Variants in TINAG observed in about 807,000 individuals in gnomAD.
TINAG encodes tubulointerstitial nephritis antigen.
A neutral mutation model predicts 72.7 loss-of-function variants in TINAG; 83 were observed. That is an observed-to-expected ratio of 1.14 (90% confidence interval 0.96 to 1.37). The LOEUF (loss-of-function observed/expected upper bound fraction) is 1.37. Ranked by LOEUF, TINAG falls within the 40% of genes most tolerant of loss-of-function variation. TINAG has a pLI of 0.00. For synonymous variants in TINAG, 234 were observed against 189.9 expected (o/e 1.23, Z -1.91); for missense variants, 685 against 576.6 (o/e 1.19, Z -1.93).
At chr6:54,379,135 A>G (rs1435045345) in intron 9 of TINAG, among the ~76,000 whole-genome samples, 1 of 152,196 alleles carries the variant, frequency 6.6e-6, no homozygotes, top group African/African-American at 2.4e-5. Flanking sequence ...GGAAGTTTGA[A>G]TATTAGGTTT....
At chr6:54,313,560 T>C (rs1293947592) in intron 1 of TINAG, among the ~76,000 whole-genome samples, 1 of 152,178 alleles carries the variant, frequency 6.6e-6, no homozygotes, top group Non-Finnish European at 1.5e-5. Flanking sequence ...ATTATTTAAT[T>C]CTATGTTGTT....
chr6:54,311,196 T>C (rs1488118424), intron 1 of TINAG, among the ~76,000 whole-genome samples: 1 of 152,158 alleles, frequency 6.6e-6, no homozygotes, highest in Non-Finnish European at 1.5e-5. Flanking sequence ...AGCAACATGT[T>C]TTAAGACTCT....
At chr6:54,327,276 A>G in intron 4 of TINAG, 4 of 1,267,634 alleles carry the variant, frequency 3.2e-6, no homozygotes, top group Admixed American at 2.7e-5. Flanking sequence ...GGGACTGGTT[A>G]GACAGTGGGT....
intron 10 of TINAG, among the ~76,000 whole-genome samples, chr6:54,386,695 C>T (rs565727038): frequency 5.9e-5 from 9 of 151,726 alleles, no homozygotes; most frequent in African/African-American, 1.9e-4. Context: ...TTTGCCAATA[C>T]ATAGGTCACA....
intron 4 of TINAG, 27 bp from the exon 5 acceptor site, chr6:54,343,199 A>G (rs372042414): frequency 4.1e-6 from 6 of 1,481,080 alleles, no homozygotes; most frequent in Non-Finnish European, 5.4e-6. Context: ...AGAAAATCTC[A>G]TATATGTACC....
At position 54,390,093 on chromosome 6, in the gene TINAG, T is replaced by G. The variant is rs1764206861; in HGVS notation, c.*168T>G. The G allele has an allele frequency of 1.2e-6, 1 of 847,568 alleles. No homozygotes were observed. Among genetic ancestry groups the G allele is most frequent in the Non-Finnish European group, 1.7e-6 (1 of 577,184 alleles). The allele number at this position is 847,568 out of a possible 1,614,324, so 52.5% of individuals were successfully genotyped here. A position where few individuals can be genotyped will look rare whatever the true frequency, so the allele number is the denominator to read the frequency against. ...GGTCTATGCTTCTGCTTCCTTCATA[T>G]TACTGAGCATTAACAACACCAATAA... is the stretch of plus-strand genomic sequence containing the variant. On this transcript the variant is annotated 3_prime_UTR_variant, in exon 11 of 11. Transcript: ENST00000259782.
At chr6:54,385,005 A>T (rs537525244) in intron 10 of TINAG, among the ~76,000 whole-genome samples, 1 of 152,294 alleles carries the variant, frequency 6.6e-6, no homozygotes, top group East Asian at 1.9e-4. Flanking sequence ...AACTTTTGTT[A>T]TTTAGCTAAA....
chr6:54,378,503 C>A (rs1448053321), intron 9 of TINAG, among the ~76,000 whole-genome samples: 1 of 152,094 alleles, frequency 6.6e-6, no homozygotes, highest in African/African-American at 2.4e-5. Flanking sequence ...AAGAATTATT[C>A]TTGTCTTTTG....
chr6:54,370,811 G>T (rs1763580279), intron 9 of TINAG, among the ~76,000 whole-genome samples: 1 of 151,980 alleles, frequency 6.6e-6, no homozygotes. Context: ...GAATCATGTT[G>T]CCTTGTCTGT....
rs117487218 is a variant in TINAG, at chr6:54,377,783, C to T, written c.1251-2743C>T. Among the ~76,000 whole-genome samples the T allele has an allele frequency of 5.3e-5, 8 of 152,030 alleles. No homozygotes were observed. In the East Asian group the frequency reaches 1.4e-3, roughly 26 times the overall value. On this transcript the variant is annotated intron_variant, in intron 9 of 10. Coordinates refer to ENST00000259782, the MANE Select transcript of TINAG (RefSeq NM_014464.4). ...ATAATAGCAAGTAAAGGAATGGTACCACAATTTAGGAACATACATATATTA... is the reference window on the plus strand; with the variant it reads ...ATAATAGCAAGTAAAGGAATGGTACTACAATTTAGGAACATACATATATTA...
intron 10 of TINAG, among the ~76,000 whole-genome samples, chr6:54,382,002 TAC>T (rs769892466): frequency 2.2e-4 from 33 of 151,762 alleles, no homozygotes; most frequent in African/African-American, 7.5e-4. Flanking sequence ...TGTATATGTG[TAC>T]ACACACACAC....
rs190816048 is a variant in TINAG, at chr6:54,363,548, T to C, written c.1250+8912T>C. Among the ~76,000 whole-genome samples the C allele has an allele frequency of 2.0e-3, 299 of 148,040 alleles. 3 individuals are homozygous for C. Among genetic ancestry groups the C allele is most frequent in the African/African-American group, 6.8e-3 (274 of 40,158 alleles). On this transcript the variant is annotated intron_variant, in intron 9 of 10. Transcript: ENST00000259782. Reference sequence around the variant, plus strand: ...CAGGGAACGGTGTCATACAATGAGATGGAGAAAAAGTCTACTGTGGGATCT... The same window carrying C: ...CAGGGAACGGTGTCATACAATGAGACGGAGAAAAAGTCTACTGTGGGATCT...
At chr6:54,357,418 A>G (rs1763086820) in intron 9 of TINAG, among the ~76,000 whole-genome samples, 1 of 151,888 alleles carries the variant, frequency 6.6e-6, no homozygotes, top group Admixed American at 6.6e-5. Flanking sequence ...CCAGACTCAT[A>G]CATTCTATGA....
chr6:54,352,750 C>A (rs1785296672), intron 8 of TINAG, among the ~76,000 whole-genome samples: 2 of 151,074 alleles, frequency 1.3e-5, no homozygotes, highest in Middle Eastern at 6.8e-3. Context: ...TCTCTCTCTC[C>A]CTCTTTTTAA....
rs777450422 is a variant in TINAG, at chr6:54,389,819, G to A, written c.1325G>A (p.Trp442Ter). The change falls in exon 11 of 11, where the codon TGG becomes TAG. Residue 442 changes from tryptophan (W) to a stop codon, truncating the protein, a stop_gained. Coordinates refer to ENST00000259782, the MANE Select transcript of TINAG (RefSeq NM_014464.4). LOFTEE classifies it high-confidence loss of function. The part of the protein sequence containing the change: ...WIAANSWGKS[W>*]GENGYFRILR... ...GCTGCCAATTCCTGGGGAAAGTCATGGGGAGAGAATGGCTATTTCAGGATT... is the reference window on the plus strand; with the variant it reads ...GCTGCCAATTCCTGGGGAAAGTCATAGGGAGAGAATGGCTATTTCAGGATT... 46 of 1,604,518 alleles carry A rather than the reference G, an allele frequency of 2.9e-5. No individual in the cohort carries two copies. The highest frequency in any genetic ancestry group is 3.7e-5 in the Non-Finnish European group (44 of 1,176,824).
intron 10 of TINAG, among the ~76,000 whole-genome samples, chr6:54,381,879 C>T (rs1763960894): frequency 6.6e-6 from 1 of 151,898 alleles, no homozygotes; most frequent in South Asian, 2.1e-4. Flanking sequence ...TAGCATATAG[C>T]ACTTGATGGC....
chr6:54,383,121 C>T (rs1413442746), intron 10 of TINAG, among the ~76,000 whole-genome samples: 1 of 152,098 alleles, frequency 6.6e-6, no homozygotes, highest in Non-Finnish European at 1.5e-5. Context: ...TTTGTTATCC[C>T]TTCAGATCAG....
chr6:54,348,665 T>A (rs1181973434), intron 6 of TINAG, among the ~76,000 whole-genome samples: 1 of 152,060 alleles, frequency 6.6e-6, no homozygotes, highest in African/African-American at 2.4e-5. Flanking sequence ...CCTAACCTCA[T>A]GACATCCTTT....
At chr6:54,386,510 A>G (rs1764103626) in intron 10 of TINAG, among the ~76,000 whole-genome samples, 1 of 152,116 alleles carries the variant, frequency 6.6e-6, no homozygotes. Context: ...GGATATTCTC[A>G]GATCTTAGAG....
Sources: allele counts gnomAD v4.1 joint callset (sites outside exome capture counted in the v4.1 genomes callset), GRCh38; gene constraint gnomAD v4.1.1; transcripts MANE v1.5; gene names NCBI Gene and HGNC (gene_info 2026-07-23, HGNC 2026-07-21).